Variants in ABI2 observed in about 807,000 individuals in gnomAD.
ABI2 encodes the protein abl interactor 2.
In ABI2, 25 loss-of-function variants were observed where a neutral mutation model predicts 59.2. That is an observed-to-expected ratio of 0.42 (90% CI 0.31 to 0.59). The LOEUF (loss-of-function observed/expected upper bound fraction) is 0.59. ABI2 is among the 20% of genes least tolerant of loss of function. The pLI is 0.14. For synonymous variants in ABI2, 213 were observed against 235.5 expected (o/e 0.90, Z 0.87); for missense variants, 545 against 681.8 (o/e 0.80, Z 2.23).
chr2:203,352,109 C>T (rs541695516), intron 1 of ABI2, among the ~76,000 whole-genome samples: 18 of 152,168 alleles, frequency 1.2e-4, no homozygotes, highest in African/African-American at 4.1e-4. Flanking sequence ...TATGAAAGTA[C>T]AATAATAAAG....
intron 5 of ABI2, among the ~76,000 whole-genome samples, chr2:203,392,701 T>G (rs566669032): frequency 6.6e-6 from 1 of 152,344 alleles, no homozygotes; most frequent in South Asian, 2.1e-4. Context: ...TGTAGTGCCT[T>G]ATGGATTTTG....
intron 1 of ABI2, among the ~76,000 whole-genome samples, chr2:203,345,254 G>A (rs183581828): frequency 2.2e-4 from 33 of 152,300 alleles, no homozygotes; most frequent in Admixed American, 5.2e-4. Flanking sequence ...CATTTTGAGA[G>A]CTGTAACGCT....
chr2:203,343,349 G>A (rs913384626), intron 1 of ABI2, among the ~76,000 whole-genome samples: 2 of 152,190 alleles, frequency 1.3e-5, no homozygotes, highest in African/African-American at 4.8e-5. Flanking sequence ...GGACGACAGC[G>A]AGACTATGTC....
At chr2:203,353,573 G>C (rs766712220) in intron 1 of ABI2, among the ~76,000 whole-genome samples, 1 of 152,100 alleles carries the variant, frequency 6.6e-6, no homozygotes, top group African/African-American at 2.4e-5. Flanking sequence ...TCTGCCTCCC[G>C]GGCTCAAGTG....
chr2:203,416,335 C>T (rs1459264938), intron 10 of ABI2, among the ~76,000 whole-genome samples: 1 of 151,870 alleles, frequency 6.6e-6, no homozygotes, highest in Non-Finnish European at 1.5e-5. Flanking sequence ...CGGTCTTGCC[C>T]TATGGCCCAG....
At chr2:203,372,730 G>A (rs1472836537) in intron 2 of ABI2, among the ~76,000 whole-genome samples, 1 of 150,632 alleles carries the variant, frequency 6.6e-6, no homozygotes, top group South Asian at 2.1e-4. Flanking sequence ...GCTGCCGGGC[G>A]GAGGGGCTCC....
intron 11 of ABI2, among the ~76,000 whole-genome samples, chr2:203,420,251 C>A (rs1401784253): frequency 6.6e-6 from 1 of 152,180 alleles, no homozygotes; most frequent in East Asian, 1.9e-4. Context: ...AACTTTTTTA[C>A]TGCCCGTTTT....
In ABI2 at chr2:203,328,793, C is replaced by G. The variant is rs1218923205; in HGVS notation, c.117+162C>G. ...TGGGGCTGGTGAATGGGTGGGAATT[C>G]TCCGGCTGGAGAAACTGCATTTTAA... is the stretch of plus-strand genomic sequence containing the variant. On this transcript the variant is annotated intron_variant, in intron 1 of 11. Coordinates refer to ENST00000261018, the MANE Select transcript of ABI2 (RefSeq NM_001375670.1). 7.2e-6 allele frequency: 3 copies of G among 419,548 alleles called. No individual in the cohort carries two copies. The South Asian group carries it at 2.3e-4, about 33-fold the overall frequency. The allele number at this position is 419,548 out of a possible 1,614,324, so 26.0% of individuals were successfully genotyped here.
chr2:203,365,048 C>T (rs1279888011), intron 1 of ABI2, among the ~76,000 whole-genome samples: 1 of 152,076 alleles, frequency 6.6e-6, no homozygotes, highest in Non-Finnish European at 1.5e-5. Context: ...TTATGCTTTA[C>T]TCCTTTTGAT....
intron 1 of ABI2, among the ~76,000 whole-genome samples, chr2:203,350,238 G>A (rs1399144887): frequency 6.6e-6 from 1 of 152,086 alleles, no homozygotes; most frequent in Non-Finnish European, 1.5e-5. Flanking sequence ...TACTATGCCC[G>A]GCTAATTCTC....
At chr2:203,387,961 G>T (rs1305059442) in intron 4 of ABI2, among the ~76,000 whole-genome samples, 1 of 151,788 alleles carries the variant, frequency 6.6e-6, no homozygotes, top group Non-Finnish European at 1.5e-5. Context: ...AGTTTTTTTA[G>T]GATCAATCAT....
Position 203,372,510 on chromosome 2 carries a change from C to G in ABI2, c.285+5466C>G, listed in dbSNP as rs1441983587. The stretch of plus-strand genomic sequence containing the variant: ...TCACATCCCAGTAGGGGCGGCCGGG[C>G]AGAGGCGCCCCTCATCTCCCAGACG... On this transcript the variant is annotated intron_variant, in intron 2 of 11. Coordinates refer to ENST00000261018, the MANE Select transcript of ABI2 (RefSeq NM_001375670.1). 3.3e-5 allele frequency among the ~76,000 whole-genome samples: 5 copies of G among 151,222 alleles called. No homozygotes were observed. In the East Asian group the frequency reaches 9.9e-4, roughly 30 times the overall value.
Position 203,337,274 on chromosome 2 carries a change from GAATT to G in ABI2, c.117+8650_117+8653del, listed in dbSNP as rs1169358816. On this transcript the variant is annotated intron_variant, in intron 1 of 11. Transcript: ENST00000261018. Reference sequence around the variant, plus strand: ...TAAAGACTCCACCAAAAGACTGTTAGAATTAATTAACGAATTTAGTAAAGTTGTA... The same window carrying G: ...TAAAGACTCCACCAAAAGACTGTTAGAATTAACGAATTTAGTAAAGTTGTA... Among the ~76,000 whole-genome samples, 8 of 152,156 alleles carry G rather than the reference GAATT, an allele frequency of 5.3e-5. No individual in the cohort carries two copies. In the South Asian group the frequency reaches 8.3e-4, roughly 16 times the overall value.
intron 2 of ABI2, among the ~76,000 whole-genome samples, chr2:203,370,186 TTCTCTCTCTCTCTCTCTCTCTC>T (rs71007509): frequency 1.5e-4 from 20 of 136,730 alleles, no homozygotes; most frequent in African/African-American, 4.4e-4. Context: ...CATTCTCCTA[TTCTCTCTCTCTCTCTCTCTCTC>T]TCTCTCTCTC....
In ABI2 at chr2:203,427,182, G is replaced by T; in HGVS notation, c.1459G>T (p.Ala487Ser). 1 of 1,612,914 alleles carries T rather than the reference G, an allele frequency of 6.2e-7. No homozygotes were observed. Among genetic ancestry groups the T allele is most frequent in the Non-Finnish European group, 8.5e-7 (1 of 1,179,400 alleles). ...APRSYLEKVV[A>S]IYDYTKDKED... ...TTTGTTTTCTTCCCTCCTAGTTGTG[G>T]CAATTTATGACTATACAAAAGACAA... is the stretch of plus-strand genomic sequence containing the variant. The change falls in exon 12 of 12, where the codon GCA becomes TCA. Residue 487 changes from alanine (A) to serine (S), a missense_variant. Coordinates refer to ENST00000261018, the MANE Select transcript of ABI2 (RefSeq NM_001375670.1).
intron 1 of ABI2, among the ~76,000 whole-genome samples, chr2:203,330,083 A>G (rs957227029): frequency 1.3e-5 from 2 of 152,192 alleles, no homozygotes; most frequent in African/African-American, 4.8e-5. Context: ...AAATTTTAAA[A>G]AACAGGTGTT....
chr2:203,400,848 A>T (rs1246360163), intron 8 of ABI2, among the ~76,000 whole-genome samples: 8 of 152,222 alleles, frequency 5.3e-5, no homozygotes, highest in Non-Finnish European at 1.5e-5. Flanking sequence ...CCAAGAAGAT[A>T]GTCTCATATT....
At chr2:203,338,943 T>TATATATATATAAATATAA (rs1231706921) in intron 1 of ABI2, among the ~76,000 whole-genome samples, 1 of 13,452 alleles carries the variant, frequency 7.4e-5, no homozygotes, top group East Asian at 4.7e-3. Context: ...TGTATATATA[T>TATATATATATAAATATAA]ATATATATAT....
chr2:203,391,163 T>C lies in ABI2; in HGVS notation c.578+20T>C, dbSNP rs1263744321. 6.6e-6 allele frequency: 10 copies of C among 1,515,418 alleles called. No individual in the cohort carries two copies. Among genetic ancestry groups the C allele is most frequent in the Non-Finnish European group, 7.2e-6 (8 of 1,113,814 alleles). 93.9% of individuals were successfully genotyped at this position (1,515,418 alleles called of 1,614,324 possible). On this transcript the variant is annotated intron_variant, in intron 5 of 11. Coordinates refer to ENST00000261018, the MANE Select transcript of ABI2 (RefSeq NM_001375670.1). ...ACTTGGGTGAGTATATAAGTAGTAA[T>C]TGAAAACCATTTCATGTAGTATTGT...
Sources: gnomAD v4.1 joint callset for allele counts (sites outside exome capture counted in the v4.1 genomes callset) on GRCh38, gnomAD v4.1.1 for gene constraint, MANE v1.5 for transcripts, NCBI Gene and HGNC (gene_info 2026-07-23, HGNC 2026-07-21) for gene names.